The following PAPSS2 variants were observed in gnomAD, a reference collection of about 807,000 sequenced individuals.
PAPSS2 encodes bifunctional 3'-phosphoadenosine 5'-phosphosulfate synthase 2.
In PAPSS2, 61 loss-of-function variants were observed where a neutral mutation model predicts 66.5. That is an observed-to-expected ratio of 0.92 (90% CI 0.75 to 1.14). The LOEUF is 1.14. Among genes scored for constraint, PAPSS2 ranks in the 50% most tolerant of loss-of-function variants. The probability of loss-of-function intolerance (pLI) is 0.00; values close to 1 mark genes in which losing one functional copy is unlikely to be tolerated. For synonymous variants in PAPSS2, 289 were observed against 287.5 expected (o/e 1.01, Z -0.05); for missense variants, 708 against 789.6 (o/e 0.90, Z 1.24).
intron 7 of PAPSS2, among the ~76,000 whole-genome samples, chr10:87,720,335 C>G (rs1385899347): frequency 2.0e-5 from 3 of 152,148 alleles, no homozygotes; most frequent in Non-Finnish European, 2.9e-5. Context: ...TGGAGGGTAT[C>G]AGGAGGAAGC....
chr10:87,673,714 T>TTTTC (rs1852909689), intron 1 of PAPSS2, among the ~76,000 whole-genome samples: 1 of 114,664 alleles, frequency 8.7e-6, no homozygotes. Flanking sequence ...TTTTTTTTTT[T>TTTTC]GCACCAGCTT....
intron 1 of PAPSS2, among the ~76,000 whole-genome samples, chr10:87,702,351 A>C (rs1853329051): frequency 6.6e-6 from 1 of 152,160 alleles, no homozygotes; most frequent in Non-Finnish European, 1.5e-5. Context: ...ATCTCTGAGC[A>C]GTAGTTTTCA....
At chr10:87,681,871 A>G (rs1853025923) in intron 1 of PAPSS2, among the ~76,000 whole-genome samples, 1 of 152,240 alleles carries the variant, frequency 6.6e-6, no homozygotes, top group South Asian at 2.1e-4. Flanking sequence ...TGCAGGTATC[A>G]GTACTTCATA....
chr10:87,689,340 CAA>C (rs58947357), intron 1 of PAPSS2, among the ~76,000 whole-genome samples: 5 of 98,538 alleles, frequency 5.1e-5, no homozygotes, highest in African/African-American at 8.1e-5. Context: ...AACTCCATCT[CAA>C]AAAAAAAAAA....
chr10:87,686,504 C>T (rs1379665506), intron 1 of PAPSS2, among the ~76,000 whole-genome samples: 1 of 152,158 alleles, frequency 6.6e-6, no homozygotes, highest in Non-Finnish European at 1.5e-5. Flanking sequence ...AGTACACACA[C>T]CCGCTCCTGG....
In PAPSS2 at chr10:87,745,873, A is replaced by C. The variant is rs753786042; in HGVS notation, c.1763A>C (p.Lys588Thr). 8.2e-5 allele frequency: 132 copies of C among 1,612,106 alleles called. No homozygotes were observed. Among genetic ancestry groups the C allele is most frequent in the Non-Finnish European group, 1.1e-4 (130 of 1,178,512 alleles). ...FDFISGTRMR[K>T]LAREGENPPD... ...TTCATCTCAGGAACTCGAATGAGGAAGCTCGCCCGGGAAGGAGAGAATCCC... is the reference window on the plus strand; with the variant it reads ...TTCATCTCAGGAACTCGAATGAGGACGCTCGCCCGGGAAGGAGAGAATCCC... Residue 588 changes from lysine (K) to threonine (T), a missense_variant, in exon 13 of 13, where the codon AAG (lysine) becomes ACG (threonine). Lys to Thr is a moderately conservative substitution (Grantham distance 78). Coordinates refer to ENST00000456849, the MANE Select transcript of PAPSS2 (RefSeq NM_001015880.2).
chr10:87,706,136 GTGTGTATA>G (rs1283496359), intron 1 of PAPSS2, among the ~76,000 whole-genome samples: 1 of 126,328 alleles, frequency 7.9e-6, no homozygotes, highest in East Asian at 2.5e-4. Flanking sequence ...GTGTGTGTGT[GTGTGTATA>G]TATATACCCT....
intron 1 of PAPSS2, among the ~76,000 whole-genome samples, chr10:87,682,433 G>A (rs984639008): frequency 6.6e-6 from 1 of 152,306 alleles, no homozygotes; most frequent in East Asian, 1.9e-4. Flanking sequence ...TCTACAATTC[G>A]AGAGGATTTC....
At chr10:87,689,441 C>T (rs1237913878) in intron 1 of PAPSS2, among the ~76,000 whole-genome samples, 2 of 151,606 alleles carry the variant, frequency 1.3e-5, no homozygotes, top group Admixed American at 1.3e-4. Context: ...GAGGCCGAGG[C>T]AGGTGGATCA....
intron 9 of PAPSS2, among the ~76,000 whole-genome samples, chr10:87,736,867 T>A (rs923774276): frequency 6.6e-6 from 1 of 152,206 alleles, no homozygotes; most frequent in African/African-American, 2.4e-5. Context: ...ATGCTTGGCC[T>A]CTTCCTATGC....
Position 87,675,971 on chromosome 10 carries a change from C to CTTT in PAPSS2, c.27+15983_27+15985dup, listed in dbSNP as rs5786787. 2.5e-3 allele frequency among the ~76,000 whole-genome samples: 317 copies of CTTT among 127,906 alleles called. 1 individual carries two copies. Among genetic ancestry groups the CTTT allele is most frequent in the African/African-American group, 9.2e-3 (292 of 31,838 alleles). The allele number at this position is 127,906 out of a possible 152,430, so 83.9% of individuals were successfully genotyped here. ...AAAGCTATTTTCCCTTTCCACATTT[C>CTTT]TTTTTTTTTTTTTTTTTTTTTTAAT... On this transcript the variant is annotated intron_variant, in intron 1 of 12. Coordinates refer to ENST00000456849, the MANE Select transcript of PAPSS2 (RefSeq NM_001015880.2).
intron 1 of PAPSS2, among the ~76,000 whole-genome samples, chr10:87,703,479 A>G (rs1017376330): frequency 6.6e-6 from 1 of 152,144 alleles, no homozygotes; most frequent in African/African-American, 2.4e-5. Context: ...TGCCACCTGG[A>G]CTGATCAGAT....
intron 7 of PAPSS2, among the ~76,000 whole-genome samples, chr10:87,719,406 A>T (rs1190474088): frequency 6.6e-6 from 1 of 152,198 alleles, no homozygotes; most frequent in African/African-American, 2.4e-5. Context: ...AGAATGCCTG[A>T]TTCAATAGTC....
intron 1 of PAPSS2, among the ~76,000 whole-genome samples, chr10:87,701,356 CTT>C (rs1269069164): frequency 1.0e-5 from 1 of 96,800 alleles, no homozygotes; most frequent in Non-Finnish European, 1.9e-5. Flanking sequence ...TTCTTTCTTT[CTT>C]TCTTTCTTTC....
chr10:87,685,492 T>G (rs7072852), intron 1 of PAPSS2, among the ~76,000 whole-genome samples: 32,845 of 151,772 alleles, frequency 0.22, 3,611 homozygotes, highest in Non-Finnish European at 0.24. Context: ...GACCAGCCTG[T>G]GCAACATAGC....
Position 87,721,756 on chromosome 10 carries a change from G to A in PAPSS2, c.866G>A (p.Gly289Asp), listed in dbSNP as rs1242984624. Reference protein sequence around the residue: ...QVMHFDTLLDGMALPDGVINM... With the variant: ...QVMHFDTLLDDMALPDGVINM... ...CTTAATTGTGTTTATATTTCCCTAG[G>A]CATGGCCCTTCCTGGTATGTACTTT... The change falls in exon 8 of 13, where the codon GGC (glycine) becomes GAC (aspartate). Residue 289 changes from glycine to aspartate, a missense_variant and splice_region_variant. Coordinates refer to ENST00000456849, the MANE Select transcript of PAPSS2 (RefSeq NM_001015880.2). 6.5e-7 allele frequency: 1 copy of A among 1,529,220 alleles called. No individual in the cohort carries two copies. Among genetic ancestry groups the A allele is most frequent in the South Asian group, 1.2e-5 (1 of 81,168 alleles). The allele number at this position is 1,529,220 out of a possible 1,614,324, so 94.7% of individuals were successfully genotyped here.
rs756184515 is a variant in PAPSS2 at position 87,659,931 on chromosome 10, C to G, written c.-51C>G. 2.5e-6 allele frequency: 4 copies of G among 1,601,270 alleles called. No homozygotes were observed. The highest frequency in any genetic ancestry group is 3.4e-6 in the Non-Finnish European group (4 of 1,171,378). On this transcript the variant is annotated 5_prime_UTR_variant, in exon 1 of 13. Transcript: ENST00000456849. Reference sequence around the variant, plus strand: ...GCCGCCGCCGCCGCCGCCGTCCCTGCGTCCTTCGGTCTCTGCTCCCGGGAC... The same window carrying G: ...GCCGCCGCCGCCGCCGCCGTCCCTGGGTCCTTCGGTCTCTGCTCCCGGGAC...
chr10:87,713,333 AAG>A, intron 3 of PAPSS2, 23 bp downstream of exon 3: 2 of 1,231,344 alleles, frequency 1.6e-6, no homozygotes, highest in Non-Finnish European at 2.3e-6. Flanking sequence ...AAAAAAAAAA[AAG>A]GCACTACACA....
chr10:87,738,306 A>G (rs116636095), intron 9 of PAPSS2, among the ~76,000 whole-genome samples: 227 of 152,296 alleles, frequency 1.5e-3, no homozygotes, highest in African/African-American at 5.2e-3. Context: ...TGTTTTCCAT[A>G]GTGGTTGCAC....
Sources: allele counts gnomAD v4.1 joint callset (sites outside exome capture counted in the v4.1 genomes callset), GRCh38; gene constraint gnomAD v4.1.1; transcripts MANE v1.5; gene names NCBI Gene and HGNC (gene_info 2026-07-23, HGNC 2026-07-21).